Variants in XIRP2 observed in about 807,000 individuals in gnomAD.
XIRP2 encodes xin actin binding repeat containing 2.
XIRP2 carries 236 observed loss-of-function variants against 277.0 expected under a neutral mutation model. The ratio of observed to expected loss-of-function variants is 0.85; its 90% CI spans 0.77 to 0.95. The LOEUF is 0.95. Ranked by LOEUF, XIRP2 falls within the 40% of genes least tolerant of loss-of-function variation. The probability of loss-of-function intolerance (pLI) is 0.00; values close to 1 mark genes in which losing one functional copy is unlikely to be tolerated. For missense variants in XIRP2, 4,640 were observed against 4,157.5 expected (o/e 1.12, Z -3.19); for synonymous variants, 1,490 against 1,416.5 (o/e 1.05, Z -1.17).
At position 167,247,882 on chromosome 2, in the gene XIRP2, A is replaced by G; in HGVS notation, c.6490A>G (p.Thr2164Ala). 6.2e-7 allele frequency: 1 copy of G among 1,613,618 alleles called. No individual in the cohort carries two copies. Among genetic ancestry groups the G allele is most frequent in the Non-Finnish European group, 8.5e-7 (1 of 1,179,774 alleles). ...TACACAAAGCTCCAAGCCCAGTCCCACCCAGCATCCAGTCAGCATGCCAGT... is the reference window on the plus strand; with the variant it reads ...TACACAAAGCTCCAAGCCCAGTCCCGCCCAGCATCCAGTCAGCATGCCAGT... Reference protein sequence around the residue: ...TDTQSSKPSPTQHPVSMPVGG... With the variant: ...TDTQSSKPSPAQHPVSMPVGG... The change falls in exon 9 of 11, where the codon ACC becomes GCC. Residue 2164 changes from threonine to alanine, a missense_variant. Coordinates refer to ENST00000409195, the MANE Select transcript of XIRP2 (RefSeq NM_152381.6).
intron 2 of XIRP2, among the ~76,000 whole-genome samples, chr2:167,011,544 G>T (rs1367876129): frequency 6.6e-6 from 1 of 151,990 alleles, no homozygotes; most frequent in African/African-American, 2.4e-5. Context: ...TGTTTTGGTT[G>T]TGTCTCTGCC....
rs537730860 is a variant in XIRP2, at chr2:167,026,564, T to C, written c.409-109345T>C. 2.0e-5 allele frequency among the ~76,000 whole-genome samples: 3 copies of C among 152,254 alleles called. No individual in the cohort carries two copies. The East Asian group carries it at 5.8e-4, about 29-fold the overall frequency. ...CTTCCTAGCCTAGATGGTCTTTACA[T>C]TTTGGCATGTTTTTGCAGTGGCTGG... On this transcript the variant is annotated intron_variant, in intron 2 of 10. Transcript: ENST00000409195.
At chr2:167,052,392 C>T (rs1489646429) in intron 2 of XIRP2, among the ~76,000 whole-genome samples, 1 of 152,024 alleles carries the variant, frequency 6.6e-6, no homozygotes, top group Non-Finnish European at 1.5e-5. Flanking sequence ...TTACTTAATG[C>T]ATTGCCCTGA....
At chr2:167,173,302 T>C (rs1164007986) in intron 3 of XIRP2, among the ~76,000 whole-genome samples, 1 of 152,206 alleles carries the variant, frequency 6.6e-6, no homozygotes, top group African/African-American at 2.4e-5. Flanking sequence ...CAGCCTCTGA[T>C]AACCATCCTT....
chr2:166,975,041 G>C (rs1267990046), intron 2 of XIRP2, among the ~76,000 whole-genome samples: 1 of 152,028 alleles, frequency 6.6e-6, no homozygotes, highest in African/African-American at 2.4e-5. Flanking sequence ...GACATCAAAA[G>C]TATAATTTCA....
At chr2:167,196,051 G>GTC (rs1693496137) in intron 3 of XIRP2, among the ~76,000 whole-genome samples, 1 of 152,102 alleles carries the variant, frequency 6.6e-6, no homozygotes, top group African/African-American at 2.4e-5. Flanking sequence ...GTGTGTGTGT[G>GTC]TAAAGAGAGA....
At chr2:166,896,897 A>G (rs544067462) in intron 1 of XIRP2, among the ~76,000 whole-genome samples, 2 of 152,262 alleles carry the variant, frequency 1.3e-5, no homozygotes, top group East Asian at 3.9e-4. Flanking sequence ...ATGTTTAGAT[A>G]CACAAATACT....
chr2:167,214,090 GAAA>G (rs1694147167), intron 4 of XIRP2, among the ~76,000 whole-genome samples: 1 of 89,906 alleles, frequency 1.1e-5, no homozygotes. Context: ...AAGGAAGAAA[GAAA>G]GAAGGAAGGA....
At chr2:167,201,222 GAAA>G (rs1693688466) in intron 3 of XIRP2, among the ~76,000 whole-genome samples, 2 of 104,026 alleles carry the variant, frequency 1.9e-5, no homozygotes, top group South Asian at 3.4e-4. Flanking sequence ...AAGAAAGAAA[GAAA>G]GAAAGAAAGA....
chr2:167,210,922 T>C lies in XIRP2; in HGVS notation c.723+27T>C, dbSNP rs1166183589. The stretch of plus-strand genomic sequence containing the variant: ...TAAGCTGCTCCTAATGGTTTTGCAC[T>C]AGGCAATGTGCTTACTGTCTGTCCC... On this transcript the variant is annotated intron_variant, in intron 4 of 10. Coordinates refer to ENST00000409195, the MANE Select transcript of XIRP2 (RefSeq NM_152381.6). 3.7e-6 allele frequency: 6 copies of C among 1,612,798 alleles called. No individual in the cohort carries two copies. The East Asian group carries it at 1.3e-4, about 36-fold the overall frequency.
At chr2:167,012,975 T>A (rs1687723688) in intron 2 of XIRP2, among the ~76,000 whole-genome samples, 1 of 151,330 alleles carries the variant, frequency 6.6e-6, no homozygotes, top group Admixed American at 6.6e-5. Context: ...TATCACATGT[T>A]CTTCCTTCTT....
intron 5 of XIRP2, among the ~76,000 whole-genome samples, chr2:167,219,488 TG>T (rs1694359670): frequency 6.6e-6 from 1 of 152,100 alleles, no homozygotes; most frequent in Non-Finnish European, 1.5e-5. Flanking sequence ...AGGGAAGCAG[TG>T]GGGACTATGG....
At chr2:166,895,107 G>T (rs546085687) in intron 1 of XIRP2, among the ~76,000 whole-genome samples, 32 of 152,052 alleles carry the variant, frequency 2.1e-4, no homozygotes, top group Admixed American at 9.8e-4. Flanking sequence ...TGAAGGAGGG[G>T]AATCATGGTT....
intron 2 of XIRP2, among the ~76,000 whole-genome samples, chr2:166,926,550 C>T (rs1022570708): frequency 2.0e-5 from 3 of 152,072 alleles, no homozygotes; most frequent in African/African-American, 7.2e-5. Flanking sequence ...GATCAATCTG[C>T]CTTACATAAC....
chr2:166,898,167 A>G lies in XIRP2; in HGVS notation c.-18-5298A>G, dbSNP rs77493016. Among the ~76,000 whole-genome samples the G allele has an allele frequency of 1.5e-3, 223 of 151,980 alleles. 7 individuals carry two copies. In the East Asian group the frequency reaches 0.039, roughly 27 times the overall value. On this transcript the variant is annotated intron_variant, in intron 1 of 10. Transcript: ENST00000409195. ...AGCCCAGGTAGGAAATTTCAGGAAG[A>G]CTCTTCCTCTTGCAATGTCCCTCCA...
chr2:167,111,756 T>G (rs1021054168), intron 2 of XIRP2, among the ~76,000 whole-genome samples: 1 of 152,154 alleles, frequency 6.6e-6, no homozygotes, highest in African/African-American at 2.4e-5. Context: ...GCCAGCTGTT[T>G]TTTATACATC....
intron 2 of XIRP2, among the ~76,000 whole-genome samples, chr2:167,013,883 C>T (rs1048167623): frequency 1.3e-5 from 2 of 150,658 alleles, no homozygotes; most frequent in Non-Finnish European, 3.0e-5. Flanking sequence ...TCCTCTTCCT[C>T]GTTCTCATCC....
Position 167,247,656 on chromosome 2 carries a change from A to G in XIRP2, c.6264A>G (p.Ser2088=). Residue 2088 remains serine (S), a synonymous_variant, in exon 9 of 11, where the codon TCA becomes TCG. Transcript: ENST00000409195. ...YMSRQLTSTV[S]VKNNLTTKES... ...GCAGACAATTAACTTCAACTGTGTC[A>G]GTTAAGAATAATCTAACAACTAAAG... 2 of 1,613,648 alleles carry G rather than the reference A, an allele frequency of 1.2e-6. No homozygotes were observed. The highest frequency in any genetic ancestry group is 1.7e-6 in the Non-Finnish European group (2 of 1,179,734).
chr2:167,258,323 A>C lies in XIRP2; in HGVS notation c.*506A>C. ...TAGAACTCCAGAAAATAAAGGACAA[A>C]GACAAGATCACTTTCCATTTTTGCA... On this transcript the variant is annotated 3_prime_UTR_variant, in exon 11 of 11. Transcript: ENST00000409195. 2.5e-6 allele frequency: 4 copies of C among 1,613,352 alleles called. No homozygotes were observed. The highest frequency in any genetic ancestry group is 3.4e-6 in the Non-Finnish European group (4 of 1,179,624).
Sources: allele counts gnomAD v4.1 joint callset (sites outside exome capture counted in the v4.1 genomes callset), GRCh38; gene constraint gnomAD v4.1.1; transcripts MANE v1.5; gene names NCBI Gene and HGNC (gene_info 2026-07-23, HGNC 2026-07-21).